The following SLIT3 variants were observed in gnomAD, a reference collection of about 807,000 sequenced individuals.
The protein encoded by SLIT3 is slit homolog 3 protein.
SLIT3 carries 68 observed loss-of-function variants against 184.0 expected under a neutral mutation model. That is an observed-to-expected ratio of 0.37 (90% confidence interval 0.30 to 0.45). The LOEUF is 0.45. Among genes scored for constraint, SLIT3 ranks in the 20% least tolerant of loss-of-function variants. The pLI, the probability that SLIT3 is intolerant of heterozygous loss-of-function variation, is 1.00. For missense variants in SLIT3, 1,707 were observed against 2,026.0 expected, an observed-to-expected ratio of 0.84 and a Z score of 3.02; for synonymous variants, 831 against 828.6, an observed-to-expected ratio of 1.00 and a Z score of -0.05.
At position 168,724,185 on chromosome 5, in the gene SLIT3, C is replaced by T. The variant is rs187591127; in HGVS notation, c.2339+231G>A. The stretch of plus-strand genomic sequence containing the variant: ...ATCCATCCCACAGAGAGATGGTGTT[C>T]TTTCAGCTTTTCAGAGAAGGTCTCC... On this transcript the variant is annotated intron_variant, in intron 21 of 35. Transcript: ENST00000519560. Among the ~76,000 whole-genome samples the T allele has an allele frequency of 1.4e-3, 209 of 152,276 alleles. 2 individuals are homozygous for T. Among genetic ancestry groups the T allele is most frequent in the African/African-American group, 4.9e-3 (203 of 41,554 alleles).
chr5:168,688,806 T>A (rs1176006872), intron 29 of SLIT3, among the ~76,000 whole-genome samples: 1 of 152,242 alleles, frequency 6.6e-6, no homozygotes, highest in Non-Finnish European at 1.5e-5. Context: ...TGTGTTAAAC[T>A]TGGCCCAGGA....
At chr5:169,113,911 C>T (rs918405236) in intron 4 of SLIT3, among the ~76,000 whole-genome samples, 1 of 152,130 alleles carries the variant, frequency 6.6e-6, no homozygotes, top group Non-Finnish European at 1.5e-5. Flanking sequence ...GTCTCAGCCT[C>T]CCAAAGTGCT....
chr5:169,281,639 C>T lies in SLIT3; in HGVS notation c.197+18874G>A, dbSNP rs141956884. 2.0e-3 allele frequency among the ~76,000 whole-genome samples: 304 copies of T among 152,038 alleles called. 1 individual carries two copies. The highest frequency in any genetic ancestry group is 6.8e-3 in the African/African-American group (280 of 41,418). Reference sequence around the variant, plus strand: ...ATGGACACAAAAAAATTATGTGAGCCAATAGCATTAGTCGTTATTACTGTT... The same window carrying T: ...ATGGACACAAAAAAATTATGTGAGCTAATAGCATTAGTCGTTATTACTGTT... On this transcript the variant is annotated intron_variant, in intron 1 of 35. Transcript: ENST00000519560.
chr5:168,870,869 A>AT (rs1387297251), intron 5 of SLIT3, among the ~76,000 whole-genome samples: 3 of 152,180 alleles, frequency 2.0e-5, no homozygotes, highest in Non-Finnish European at 4.4e-5. Context: ...AAATTCACTG[A>AT]TTTTATGTCA....
intron 6 of SLIT3, among the ~76,000 whole-genome samples, 171 bp downstream of exon 6, chr5:168,844,413 G>A (rs1164246242): frequency 6.6e-6 from 1 of 152,112 alleles, no homozygotes; most frequent in Non-Finnish European, 1.5e-5. Context: ...ACCAAGGTGA[G>A]CCGGAGGGAT....
chr5:169,206,736 A>T (rs990992251), intron 3 of SLIT3, among the ~76,000 whole-genome samples: 1 of 152,182 alleles, frequency 6.6e-6, no homozygotes, highest in African/African-American at 2.4e-5. Flanking sequence ...AGGCATTTAC[A>T]TCTACATTTA....
At chr5:169,222,389 A>T (rs1219868108) in intron 3 of SLIT3, among the ~76,000 whole-genome samples, 1 of 152,206 alleles carries the variant, frequency 6.6e-6, no homozygotes, top group Non-Finnish European at 1.5e-5. Context: ...AGAAGTCAAT[A>T]GACTCCATTG....
intron 4 of SLIT3, among the ~76,000 whole-genome samples, chr5:169,063,485 C>T (rs994610786): frequency 1.8e-4 from 27 of 152,210 alleles, no homozygotes; most frequent in Non-Finnish European, 3.5e-4. Context: ...GGAACTGAGG[C>T]TCCCAAGCCC....
intron 4 of SLIT3, among the ~76,000 whole-genome samples, chr5:169,166,774 C>A (rs535418102): frequency 6.6e-6 from 1 of 152,258 alleles, no homozygotes; most frequent in Admixed American, 6.5e-5. Context: ...AATGATGCCT[C>A]CTATCTAGAT....
At chr5:168,831,201 G>A (rs1757868435) in intron 6 of SLIT3, among the ~76,000 whole-genome samples, 1 of 151,980 alleles carries the variant, frequency 6.6e-6, no homozygotes, top group Non-Finnish European at 1.5e-5. Context: ...AGAATAGAAA[G>A]TACAGATCTG....
At chr5:168,814,788 G>A (rs574409557) in intron 8 of SLIT3, among the ~76,000 whole-genome samples, 2 of 152,220 alleles carry the variant, frequency 1.3e-5, no homozygotes, top group African/African-American at 2.4e-5. Context: ...TTGCACCCAC[G>A]TAATAGCAGA....
intron 20 of SLIT3, among the ~76,000 whole-genome samples, chr5:168,740,298 G>A (rs919019719): frequency 1.3e-5 from 2 of 152,154 alleles, no homozygotes; most frequent in Non-Finnish European, 2.9e-5. Context: ...TGTGAGAGAA[G>A]GGCCAGTGAG....
Position 169,300,421 on chromosome 5 carries a change from G to A in SLIT3, c.197+92C>T. The A allele has an allele frequency of 1.0e-5, 14 of 1,357,618 alleles. No homozygotes were observed. The highest frequency in any genetic ancestry group is 1.2e-5 in the Non-Finnish European group (13 of 1,056,004). 84.1% of individuals were successfully genotyped at this position (1,357,618 alleles called of 1,614,324 possible). On this transcript the variant is annotated intron_variant, in intron 1 of 35. Transcript: ENST00000519560. The surrounding 1 kb of genome is among the most constrained non-coding windows in gnomAD (Gnocchi z 4.1). ...GATGAGAATAGAGACTGCATCCAGGGAGGCCGAGGGGAAAGGACGGATCTG... is the reference window on the plus strand; with the variant it reads ...GATGAGAATAGAGACTGCATCCAGGAAGGCCGAGGGGAAAGGACGGATCTG...
At chr5:169,169,668 G>A (rs297864) in intron 4 of SLIT3, among the ~76,000 whole-genome samples, 34,867 of 152,102 alleles carry the variant, frequency 0.23, 4,522 homozygotes, top group Middle Eastern at 0.34. Context: ...AGTTCAGATG[G>A]TAATTAGCAC....
intron 4 of SLIT3, among the ~76,000 whole-genome samples, chr5:169,116,556 G>A (rs1760671449): frequency 6.6e-6 from 1 of 152,216 alleles, no homozygotes; most frequent in Admixed American, 6.5e-5. Context: ...AGGACATTAT[G>A]AAAGCTATGC....
intron 1 of SLIT3, among the ~76,000 whole-genome samples, chr5:169,273,516 C>T (rs539599167): frequency 4.5e-4 from 69 of 152,282 alleles, no homozygotes; most frequent in Non-Finnish European, 8.7e-4. Flanking sequence ...CCTGAGGGAG[C>T]TTTAACACTT....
At chr5:168,962,152 A>G (rs1023692775) in intron 4 of SLIT3, among the ~76,000 whole-genome samples, 3 of 151,982 alleles carry the variant, frequency 2.0e-5, no homozygotes, top group Non-Finnish European at 4.4e-5. Flanking sequence ...TGGGGGTGGG[A>G]GTGGGCTTCA....
intron 4 of SLIT3, among the ~76,000 whole-genome samples, chr5:169,131,824 A>G (rs1028641630): frequency 3.3e-5 from 5 of 152,260 alleles, no homozygotes; most frequent in African/African-American, 1.2e-4. Flanking sequence ...CTTCCCTTGC[A>G]GAACATGTGA....
intron 4 of SLIT3, among the ~76,000 whole-genome samples, chr5:169,099,924 G>A (rs1316758966): frequency 1.3e-5 from 2 of 152,238 alleles, no homozygotes; most frequent in Non-Finnish European, 2.9e-5. Context: ...AGGCCCACTT[G>A]CTGGGCTTAT....
Sources: allele counts gnomAD v4.1 joint callset (sites outside exome capture counted in the v4.1 genomes callset), GRCh38; gene constraint gnomAD v4.1.1; non-coding constraint Gnocchi (gnomAD v3.1); transcripts MANE v1.5; gene names NCBI Gene and HGNC (gene_info 2026-07-23, HGNC 2026-07-21).